Variants in DSCAM observed in about 807,000 individuals in gnomAD.
The protein encoded by DSCAM is DS cell adhesion molecule.
Under a neutral mutation model 217.7 loss-of-function variants are expected in DSCAM, and 47 were observed. That is an observed-to-expected ratio of 0.22 (90% confidence interval 0.17 to 0.28). DSCAM has a LOEUF of 0.28. DSCAM is among the 10% of genes least tolerant of loss of function. DSCAM has a pLI of 1.00. For synonymous variants in DSCAM, 1,056 were observed against 1,015.3 expected (o/e 1.04, Z -0.76); for missense variants, 2,080 against 2,618.3 (o/e 0.79, Z 4.49).
chr21:40,319,730 A>G (rs2074239488), intron 8 of DSCAM, among the ~76,000 whole-genome samples: 1 of 152,162 alleles, frequency 6.6e-6, no homozygotes, highest in South Asian at 2.1e-4. Flanking sequence ...CAGCCTTGCC[A>G]ACACTTGTTA....
chr21:40,040,092 C>T (rs1024102374), intron 32 of DSCAM, among the ~76,000 whole-genome samples: 9 of 152,236 alleles, frequency 5.9e-5, no homozygotes, highest in East Asian at 1.9e-4. Flanking sequence ...AAAGGAGCGA[C>T]GGAAAGGTTT....
chr21:40,690,591 G>T (rs150989028), intron 3 of DSCAM, among the ~76,000 whole-genome samples: 1 of 152,314 alleles, frequency 6.6e-6, no homozygotes, highest in Non-Finnish European at 1.5e-5. Context: ...TGACTGAGGA[G>T]AGGACATGGG....
chr21:40,078,579 G>T, intron 26 of DSCAM, 108 bp downstream of exon 26: 1 of 1,434,270 alleles, frequency 7.0e-7, no homozygotes, highest in Non-Finnish European at 9.4e-7. Context: ...GGGCTCCGTG[G>T]GCACTGGTCA....
intron 3 of DSCAM, among the ~76,000 whole-genome samples, chr21:40,570,305 C>T (rs1314719593): frequency 2.0e-5 from 3 of 152,150 alleles, no homozygotes; most frequent in Non-Finnish European, 4.4e-5. Flanking sequence ...CCATGTGAAC[C>T]CAAGGTAAAG....
intron 1 of DSCAM, among the ~76,000 whole-genome samples, chr21:40,752,664 G>A (rs2091240411): frequency 6.6e-6 from 1 of 152,112 alleles, no homozygotes; most frequent in South Asian, 2.1e-4. Context: ...TCCAGCCTGG[G>A]CATCGGAGAA....
intron 3 of DSCAM, among the ~76,000 whole-genome samples, chr21:40,549,137 G>A (rs560275159): frequency 1.4e-3 from 211 of 152,218 alleles, no homozygotes; most frequent in Non-Finnish European, 2.5e-3. Context: ...CCTGGGAGCC[G>A]AGATTGCACC....
At chr21:40,393,765 T>C (rs2075154743) in intron 3 of DSCAM, among the ~76,000 whole-genome samples, 1 of 152,164 alleles carries the variant, frequency 6.6e-6, no homozygotes, top group Non-Finnish European at 1.5e-5. Flanking sequence ...ATTCAGCTTA[T>C]TTTATTTGAT....
chr21:40,055,107 T>A (rs538502617), intron 29 of DSCAM, among the ~76,000 whole-genome samples: 2 of 152,254 alleles, frequency 1.3e-5, no homozygotes, highest in African/African-American at 4.8e-5. Flanking sequence ...TGAAGATACC[T>A]GGGTTCTGGT....
intron 10 of DSCAM, among the ~76,000 whole-genome samples, chr21:40,280,402 C>G (rs2073745136): frequency 6.6e-6 from 1 of 152,068 alleles, no homozygotes. Flanking sequence ...GTTGCTCAGA[C>G]TGTCTGAAAC....
intron 32 of DSCAM, among the ~76,000 whole-genome samples, chr21:40,014,544 G>T (rs993717175): frequency 1.3e-4 from 20 of 152,174 alleles, no homozygotes; most frequent in Non-Finnish European, 2.4e-4. Context: ...CCCGCCCGAT[G>T]CAGGATCTCC....
intron 3 of DSCAM, chr21:40,615,564 C>A (rs1002674012): frequency 3.3e-5 from 5 of 152,098 alleles, no homozygotes; most frequent in African/African-American, 7.2e-5. Flanking sequence ...CCCTTTCTTT[C>A]CGAGATCTTT....
rs149854551 is a variant in DSCAM at position 40,181,520 on chromosome 21, T to C, written c.2780-2426A>G. On this transcript the variant is annotated intron_variant, in intron 14 of 32. Coordinates refer to ENST00000400454, the MANE Select transcript of DSCAM (RefSeq NM_001389.5). Reference sequence around the variant, plus strand: ...AAGGTTTTTATTTCCTTAGTGAAAGTCAAGAAACTCAAGCCCTGTTACATA... The same window carrying C: ...AAGGTTTTTATTTCCTTAGTGAAAGCCAAGAAACTCAAGCCCTGTTACATA... Among the ~76,000 whole-genome samples, 927 of 152,248 alleles carry C rather than the reference T, an allele frequency of 6.1e-3. 10 individuals are homozygous for C. Among genetic ancestry groups the C allele is most frequent in the African/African-American group, 0.022 (895 of 41,530 alleles).
intron 1 of DSCAM, among the ~76,000 whole-genome samples, chr21:40,802,939 G>C (rs2091755135): frequency 6.6e-6 from 1 of 152,156 alleles, no homozygotes; most frequent in African/African-American, 2.4e-5. Flanking sequence ...GCATTACGCA[G>C]CTGACCACAC....
chr21:40,399,302 A>AAAAC (rs200708183), intron 3 of DSCAM, among the ~76,000 whole-genome samples: 3 of 137,586 alleles, frequency 2.2e-5, no homozygotes, highest in Non-Finnish European at 4.7e-5. Flanking sequence ...AAAACAAAAC[A>AAAAC]AAACAAAACA....
chr21:40,577,868 C>T (rs886811864), intron 3 of DSCAM, among the ~76,000 whole-genome samples: 4 of 152,100 alleles, frequency 2.6e-5, no homozygotes, highest in African/African-American at 7.2e-5. Flanking sequence ...CTGGGAACTG[C>T]GGATACAGCT....
chr21:40,484,305 A>C lies in DSCAM; in HGVS notation c.509-115060T>G, dbSNP rs1031485610. 1.1e-4 allele frequency among the ~76,000 whole-genome samples: 17 copies of C among 152,070 alleles called. No individual in the cohort carries two copies. In the South Asian group the frequency reaches 1.9e-3, roughly 17 times the overall value. The stretch of plus-strand genomic sequence containing the variant: ...TCCAGTTCATCCATCCATCCTATCT[A>C]TACCTTAGCTTGTCTTTGACTTGAC... On this transcript the variant is annotated intron_variant, in intron 3 of 32. Coordinates refer to ENST00000400454, the MANE Select transcript of DSCAM (RefSeq NM_001389.5).
chr21:40,356,960 T>G (rs2074700078), intron 4 of DSCAM, among the ~76,000 whole-genome samples: 1 of 152,196 alleles, frequency 6.6e-6, no homozygotes, highest in African/African-American at 2.4e-5. Flanking sequence ...AGATAAAACT[T>G]CATTATGAAC....
At chr21:40,192,503 T>C (rs972302834) in intron 11 of DSCAM, among the ~76,000 whole-genome samples, 17 of 152,324 alleles carry the variant, frequency 1.1e-4, no homozygotes, top group South Asian at 2.1e-4. Flanking sequence ...CCTTTCACCA[T>C]GATTGTAAGT....
At chr21:40,585,419 C>CAAAA (rs71186946) in intron 3 of DSCAM, among the ~76,000 whole-genome samples, 976 of 86,530 alleles carry the variant, frequency 0.011, 49 homozygotes, top group African/African-American at 0.037. Flanking sequence ...GACTCCGTCT[C>CAAAA]AAAAAAAAAA....
Sources: allele counts gnomAD v4.1 joint callset (sites outside exome capture counted in the v4.1 genomes callset), GRCh38; gene constraint gnomAD v4.1.1; transcripts MANE v1.5; gene names NCBI Gene and HGNC (gene_info 2026-07-23, HGNC 2026-07-21).